The following TSPEAR variants were observed in gnomAD, a reference collection of about 807,000 sequenced individuals.
TSPEAR encodes thrombospondin type laminin G domain and EAR repeats, also known as thrombospondin-type laminin G domain and EAR repeat-containing protein.
TSPEAR carries 69 observed loss-of-function variants against 71.6 expected under a neutral mutation model. That is an observed-to-expected ratio of 0.96 (90% CI 0.79 to 1.18). The LOEUF is 1.18. TSPEAR is among the 50% of genes most tolerant of loss of function. The pLI is 0.00. For missense variants in TSPEAR, 971 were observed against 894.9 expected (o/e 1.09, Z -1.09); for synonymous variants, 402 against 387.2 (o/e 1.04, Z -0.45).
chr21:44,601,165 G>A lies in TSPEAR; in HGVS notation c.83-33160C>T, dbSNP rs374835474. The stretch of plus-strand genomic sequence containing the variant: ...CCAGCAGTCTAGCTGTGTGAGCTGT[G>A]TGTCCAGTCCCTGCTGCCAGGCGGT... On this transcript the variant is annotated intron_variant, in intron 1 of 11. Coordinates refer to ENST00000323084, the MANE Select transcript of TSPEAR (RefSeq NM_144991.3). 8.9e-5 allele frequency: 142 copies of A among 1,598,140 alleles called. No individual in the cohort carries two copies. The African/African-American group carries it at 1.7e-3, about 19-fold the overall frequency.
Position 44,521,895 on chromosome 21 carries a change from G to C in TSPEAR, c.1554C>G (p.Phe518Leu). 6.2e-7 allele frequency: 1 copy of C among 1,613,688 alleles called. No individual in the cohort carries two copies. The highest frequency in any genetic ancestry group is 1.1e-5 in the South Asian group (1 of 91,080). ...CGGGGGGCCTTACCGGGAAGGACTG[G>C]AAGAGCTGGAAGGAGCCCAGGAGTC... ...YIRLLGSFQL[F>L]QSFPTFGAAD... is the part of the protein sequence containing the mutation. The change falls in exon 9 of 12, where the codon TTC becomes TTG. Residue 518 changes from phenylalanine to leucine, a missense_variant. Phe to Leu is a conservative substitution (Grantham distance 22, BLOSUM62 0). Coordinates refer to ENST00000323084, the MANE Select transcript of TSPEAR (RefSeq NM_144991.3).
chr21:44,538,028 T>C (rs1433118712), intron 2 of TSPEAR, among the ~76,000 whole-genome samples: 2 of 152,082 alleles, frequency 1.3e-5, no homozygotes, highest in Non-Finnish European at 1.5e-5. Flanking sequence ...AGGCTCCACC[T>C]CACTTTCTGT....
chr21:44,509,104 C>A (rs1284571587), intron 10 of TSPEAR, 95 bp downstream of exon 10: 1 of 1,434,944 alleles, frequency 7.0e-7, no homozygotes, highest in Non-Finnish European at 9.5e-7. Context: ...AGTCTTTCCA[C>A]GGGAAGGGTG....
rs114844294 is a variant in TSPEAR at position 44,603,519 on chromosome 21, C to G, written c.83-35514G>C. Among the ~76,000 whole-genome samples, 1,243 of 152,316 alleles carry G rather than the reference C, an allele frequency of 8.2e-3. 19 individuals are homozygous for G. Among genetic ancestry groups the G allele is most frequent in the African/African-American group, 0.028 (1,175 of 41,562 alleles). ...CCTAGGCATGGCCCCAGCAAGCATC[C>G]AGGCATGTGAGCCTCTGGGGAAACA... On this transcript the variant is annotated intron_variant, in intron 1 of 11. Transcript: ENST00000323084.
intron 2 of TSPEAR, among the ~76,000 whole-genome samples, chr21:44,559,305 T>C (rs781988895): frequency 5.9e-5 from 9 of 152,192 alleles, no homozygotes; most frequent in Non-Finnish European, 1.3e-4. Context: ...ATGGGGCATA[T>C]TTCTGCTGGG....
At chr21:44,555,091 C>T (rs183684427) in intron 2 of TSPEAR, among the ~76,000 whole-genome samples, 2 of 151,980 alleles carry the variant, frequency 1.3e-5, no homozygotes, top group Non-Finnish European at 2.9e-5. Flanking sequence ...AAAAACAAAC[C>T]GTGGTGGATA....
intron 2 of TSPEAR, among the ~76,000 whole-genome samples, chr21:44,544,974 G>A (rs1186802445): frequency 2.0e-5 from 3 of 151,568 alleles, no homozygotes; most frequent in Non-Finnish European, 4.4e-5. Context: ...GAAATAGACA[G>A]TTCTGGTTCT....
intron 1 of TSPEAR, among the ~76,000 whole-genome samples, chr21:44,651,242 CCTCCCCTTTTCTT>C (rs1984772603): frequency 1.3e-5 from 2 of 152,118 alleles, no homozygotes; most frequent in South Asian, 4.1e-4. Flanking sequence ...ACTTGTCTCT[CCTCCCCTTTTCTT>C]CTCCTTGCCT....
chr21:44,538,429 C>CTG (rs2053132534), intron 2 of TSPEAR, among the ~76,000 whole-genome samples: 1 of 132,100 alleles, frequency 7.6e-6, no homozygotes. Flanking sequence ...GCTGCCCCCC[C>CTG]CCCCCCCAAG....
At chr21:44,538,660 C>T (rs1555916667) in intron 2 of TSPEAR, among the ~76,000 whole-genome samples, 5 of 152,190 alleles carry the variant, frequency 3.3e-5, no homozygotes, top group Non-Finnish European at 7.3e-5. Flanking sequence ...CCCAGGGCAG[C>T]TTCCCGGAAG....
intron 1 of TSPEAR, among the ~76,000 whole-genome samples, chr21:44,672,565 G>T (rs587633659): frequency 9.3e-6 from 1 of 107,242 alleles, no homozygotes. Flanking sequence ...GCAAAACTCC[G>T]TCTCAAAACA....
intron 10 of TSPEAR, chr21:44,507,128 T>C (rs1251117008): frequency 1.3e-5 from 2 of 152,136 alleles, no homozygotes; most frequent in Non-Finnish European, 2.9e-5. Flanking sequence ...TACGAGTCCA[T>C]TTCTGTGCAG....
chr21:44,654,848 C>A (rs75497920), intron 1 of TSPEAR, among the ~76,000 whole-genome samples: 1 of 133,870 alleles, frequency 7.5e-6, no homozygotes, highest in South Asian at 3.1e-4. Flanking sequence ...TTCAGCAGAC[C>A]GTGTGTTTCC....
chr21:44,684,525 A>C (rs117337431), intron 1 of TSPEAR, among the ~76,000 whole-genome samples: 8,288 of 152,310 alleles, frequency 0.054, 241 homozygotes, highest in Middle Eastern at 0.14. Context: ...CCAAGCAAGA[A>C]GGGTCTCAAA....
chr21:44,540,937 C>T (rs754200503), intron 2 of TSPEAR, among the ~76,000 whole-genome samples: 65 of 152,244 alleles, frequency 4.3e-4, no homozygotes, highest in South Asian at 3.1e-3. Flanking sequence ...TGTGCTTCAA[C>T]CATAGATAAC....
At position 44,623,322 on chromosome 21, in the gene TSPEAR, A is replaced by G. The variant is rs1555933831; in HGVS notation, c.83-55317T>C. Among the ~76,000 whole-genome samples the G allele has an allele frequency of 6.6e-6, 1 of 152,124 alleles. No homozygotes were observed. Among genetic ancestry groups the G allele is most frequent in the Admixed American group, 6.5e-5 (1 of 15,274 alleles). On this transcript the variant is annotated intron_variant, in intron 1 of 11. Transcript: ENST00000323084. This position sits in a 1 kb window ranked among gnomAD's most constrained non-coding sequence, Gnocchi z 4.5. ...TACAACATGAATCTATGACTTTTTA[A>G]AGTCTAATGTAAATTAGATCTTATA...
intron 1 of TSPEAR, among the ~76,000 whole-genome samples, chr21:44,572,606 C>T (rs782409809): frequency 9.9e-5 from 15 of 151,894 alleles, no homozygotes; most frequent in Non-Finnish European, 1.9e-4. Flanking sequence ...CTTCCCATCC[C>T]GGGTTCTGCT....
At chr21:44,552,806 T>C (rs1353392779) in intron 2 of TSPEAR, among the ~76,000 whole-genome samples, 1 of 152,138 alleles carries the variant, frequency 6.6e-6, no homozygotes, top group Non-Finnish European at 1.5e-5. Context: ...ACCTGGGGCC[T>C]CCAGCACGTG....
intron 1 of TSPEAR, chr21:44,637,598 G>C (rs587734913): frequency 6.2e-7 from 1 of 1,613,860 alleles, no homozygotes; most frequent in South Asian, 1.1e-5. Context: ...TGAGCCCAGC[G>C]CCTGCCAATC....
Sources: allele counts gnomAD v4.1 joint callset (sites outside exome capture counted in the v4.1 genomes callset), GRCh38; gene constraint gnomAD v4.1.1; non-coding constraint Gnocchi (gnomAD v3.1); transcripts MANE v1.5; gene names NCBI Gene and HGNC (gene_info 2026-07-23, HGNC 2026-07-21).